The following RUNX1 variants were observed in gnomAD, a reference collection of about 807,000 sequenced individuals.
RUNX1 encodes the protein runt-related transcription factor 1.
RUNX1 carries 19 observed loss-of-function variants against 42.8 expected under a neutral mutation model. The observed-to-expected ratio is 0.44, with a 90% CI of 0.31 to 0.65. The LOEUF (loss-of-function observed/expected upper bound fraction) is 0.65. Ranked by LOEUF, RUNX1 falls within the 30% of genes least tolerant of loss-of-function variation. The pLI, the probability that RUNX1 is intolerant of heterozygous loss-of-function variation, is 0.07. For missense variants in RUNX1, 528 were observed against 672.0 expected (o/e 0.79, Z 2.37); for synonymous variants, 271 against 289.4 (o/e 0.94, Z 0.64).
At chr21:34,898,065 C>T (rs184287154) in intron 2 of RUNX1, among the ~76,000 whole-genome samples, 1 of 152,234 alleles carries the variant, frequency 6.6e-6, no homozygotes, top group East Asian at 1.9e-4. Flanking sequence ...AACTAGAGAG[C>T]AGTCTCTAGA....
chr21:34,855,502 C>T (rs1369789196), intron 6 of RUNX1, among the ~76,000 whole-genome samples: 2 of 152,086 alleles, frequency 1.3e-5, no homozygotes, highest in Non-Finnish European at 1.5e-5. Context: ...GTCAGGAGTT[C>T]GAGACCAGGC....
intron 2 of RUNX1, among the ~76,000 whole-genome samples, chr21:34,955,544 C>T (rs2058638177): frequency 6.6e-6 from 1 of 152,096 alleles, no homozygotes; most frequent in Non-Finnish European, 1.5e-5. Context: ...GAATGTAACC[C>T]GATTTGACTT....
intron 7 of RUNX1, among the ~76,000 whole-genome samples, chr21:34,818,294 G>A (rs1295026930): frequency 6.6e-6 from 1 of 152,242 alleles, no homozygotes; most frequent in African/African-American, 2.4e-5. Flanking sequence ...TCCTTCATAA[G>A]AGGGCAACTG....
intron 3 of RUNX1, chr21:34,888,730 C>T (rs1193509876): frequency 3.0e-6 from 3 of 1,015,216 alleles, no homozygotes; most frequent in Non-Finnish European, 3.6e-6. Flanking sequence ...TTACTGTAAG[C>T]CCGGCCGGAG....
At chr21:34,980,434 C>T (rs2058838824) in intron 2 of RUNX1, among the ~76,000 whole-genome samples, 1 of 152,184 alleles carries the variant, frequency 6.6e-6, no homozygotes, top group African/African-American at 2.4e-5. Flanking sequence ...GGTCTTGTTT[C>T]AAATTATGAG....
At chr21:34,983,575 T>C (rs1025715228) in intron 2 of RUNX1, among the ~76,000 whole-genome samples, 2 of 152,212 alleles carry the variant, frequency 1.3e-5, no homozygotes, top group East Asian at 1.9e-4. Context: ...ACAATCTCTT[T>C]TGTGTGCTGG....
intron 8 of RUNX1, among the ~76,000 whole-genome samples, chr21:34,795,343 G>A (rs147358242): frequency 6.6e-6 from 1 of 151,948 alleles, no homozygotes; most frequent in African/African-American, 2.4e-5. Context: ...TCTCTCTCTC[G>A]CTCGCTCTCT....
At chr21:34,921,103 C>A (rs2058350481) in intron 2 of RUNX1, among the ~76,000 whole-genome samples, 1 of 152,194 alleles carries the variant, frequency 6.6e-6, no homozygotes, top group Admixed American at 6.5e-5. Flanking sequence ...AAGTGATTTG[C>A]CTGCCTGGGC....
At chr21:34,890,100 G>T (rs1206252480) in intron 3 of RUNX1, among the ~76,000 whole-genome samples, 2 of 152,088 alleles carry the variant, frequency 1.3e-5, no homozygotes, top group African/African-American at 4.8e-5. Flanking sequence ...GCGTTGCCGC[G>T]GGCCCGGACG....
intron 2 of RUNX1, among the ~76,000 whole-genome samples, chr21:34,962,139 T>C (rs928528624): frequency 1.2e-4 from 19 of 152,346 alleles, no homozygotes; most frequent in African/African-American, 4.6e-4. Flanking sequence ...GTGATCCTCC[T>C]GCCTTGGCCT....
At position 34,903,295 on chromosome 21, in the gene RUNX1, T is replaced by TA. The variant is rs1230173502; in HGVS notation, c.59-10333dup. On this transcript the variant is annotated intron_variant, in intron 2 of 8. Transcript: ENST00000675419. Reference sequence around the variant, plus strand: ...ATTAGTGAAGTTTCACTATGTATATTACAAAATAATAGTTTAAAAATAATA... The same window carrying TA: ...ATTAGTGAAGTTTCACTATGTATATTAACAAAATAATAGTTTAAAAATAATA... Among the ~76,000 whole-genome samples the TA allele has an allele frequency of 3.3e-5, 5 of 152,188 alleles. No individual in the cohort carries two copies. The East Asian group carries it at 9.6e-4, about 29-fold the overall frequency.
intron 2 of RUNX1, among the ~76,000 whole-genome samples, chr21:34,938,855 G>A (rs2058505883): frequency 1.3e-5 from 2 of 152,214 alleles, no homozygotes; most frequent in South Asian, 2.1e-4. Flanking sequence ...CATCAGATAG[G>A]CTCCTGAGAA....
intron 7 of RUNX1, among the ~76,000 whole-genome samples, chr21:34,832,156 G>A (rs373883598): frequency 5.3e-5 from 8 of 152,144 alleles, no homozygotes; most frequent in African/African-American, 1.9e-4. Context: ...ACAAAAAAGG[G>A]GCGATGCTTA....
intron 5 of RUNX1, 90 bp from the exon 6 acceptor site, chr21:34,859,668 GC>G: frequency 9.1e-7 from 1 of 1,097,222 alleles, no homozygotes; most frequent in Non-Finnish European, 1.4e-6. Context: ...ATGCTGTCCA[GC>G]CCTTCAGCAC....
intron 5 of RUNX1, among the ~76,000 whole-genome samples, chr21:34,861,165 G>A (rs149692636): frequency 6.6e-6 from 1 of 152,300 alleles, no homozygotes; most frequent in East Asian, 1.9e-4. Context: ...GGCCTTTGGG[G>A]ATTTGCCAGT....
chr21:34,960,793 G>A (rs1313700270), intron 2 of RUNX1, among the ~76,000 whole-genome samples: 1 of 152,164 alleles, frequency 6.6e-6, no homozygotes, highest in Non-Finnish European at 1.5e-5. Context: ...TAATGTGTGT[G>A]TCTGTAAACA....
intron 2 of RUNX1, among the ~76,000 whole-genome samples, chr21:34,896,645 T>C (rs1601545712): frequency 1.3e-5 from 2 of 152,092 alleles, no homozygotes; most frequent in South Asian, 4.2e-4. Flanking sequence ...ATTGTGCCAT[T>C]GCACTCCAGC....
rs1310699975 is a variant in RUNX1, at chr21:34,788,412, A to T, written c.*3723T>A. The stretch of plus-strand genomic sequence containing the variant: ...GAACAAAAAAAGTGAACTTAAAAAA[A>T]ATTGGAACCATGCTATTAGCTGTTT... On this transcript the variant is annotated 3_prime_UTR_variant, in exon 9 of 9. Coordinates refer to ENST00000675419, the MANE Select transcript of RUNX1 (RefSeq NM_001754.5). 1.3e-5 allele frequency: 3 copies of T among 233,258 alleles called. No individual in the cohort carries two copies. Among genetic ancestry groups the T allele is most frequent in the Non-Finnish European group, 2.5e-5 (3 of 117,878 alleles). The allele number at this position is 233,258 out of a possible 1,614,324, so 14.4% of individuals were successfully genotyped here.
intron 2 of RUNX1, among the ~76,000 whole-genome samples, chr21:35,025,294 G>A (rs569599024): frequency 6.6e-6 from 1 of 152,284 alleles, no homozygotes; most frequent in African/African-American, 2.4e-5. Context: ...TAAATAATAG[G>A]AATCGATCAT....
Sources: gnomAD v4.1 joint callset for allele counts (sites outside exome capture counted in the v4.1 genomes callset) on GRCh38, gnomAD v4.1.1 for gene constraint, MANE v1.5 for transcripts, NCBI Gene and HGNC (gene_info 2026-07-23, HGNC 2026-07-21) for gene names.